ADGRV1: variants seen among roughly 807,000 people sequenced by gnomAD.
ADGRV1 encodes G-protein coupled receptor 98.
Under a neutral mutation model 596.2 loss-of-function variants are expected in ADGRV1, and 359 were observed. The observed-to-expected ratio is 0.60, with a 90% CI of 0.55 to 0.66. ADGRV1 has a LOEUF of 0.66. Ranked by LOEUF, ADGRV1 falls within the 30% of genes least tolerant of loss-of-function variation. The probability of loss-of-function intolerance (pLI) is 0.00; values close to 1 mark genes in which losing one functional copy is unlikely to be tolerated. For synonymous variants in ADGRV1, 2,681 were observed against 2,679.2 expected, an observed-to-expected ratio of 1.00 and a Z score of -0.02; for missense variants, 7,274 against 7,575.6, an observed-to-expected ratio of 0.96 and a Z score of 1.48.
At chr5:91,158,803 C>A (rs1470089816) in intron 89 of ADGRV1, among the ~76,000 whole-genome samples, 7 of 151,900 alleles carry the variant, frequency 4.6e-5, no homozygotes, top group Non-Finnish European at 1.0e-4. Context: ...TGTAGCAGTG[C>A]TGAGTATCTC....
intron 83 of ADGRV1, among the ~76,000 whole-genome samples, chr5:90,958,710 C>G (rs887387067): frequency 6.6e-6 from 1 of 152,120 alleles, no homozygotes; most frequent in Non-Finnish European, 1.5e-5. Context: ...AAATTTTCAC[C>G]TCTTGTAAGG....
At chr5:90,833,193 A>G (rs1764663566) in intron 77 of ADGRV1, among the ~76,000 whole-genome samples, 1 of 152,148 alleles carries the variant, frequency 6.6e-6, no homozygotes, top group South Asian at 2.1e-4. Context: ...GGTAGTATGA[A>G]CATGTTAACA....
In ADGRV1 at chr5:91,076,412, G is replaced by A. The variant is rs1373321800; in HGVS notation, c.18310+3808G>A. 3.3e-5 allele frequency among the ~76,000 whole-genome samples: 5 copies of A among 152,068 alleles called. No individual in the cohort carries two copies. The South Asian group carries it at 1.0e-3, about 32-fold the overall frequency. On this transcript the variant is annotated intron_variant, in intron 86 of 89. Coordinates refer to ENST00000405460, the MANE Select transcript of ADGRV1 (RefSeq NM_032119.4). ...TTAATAAATTATTAATTCCTTGAGG[G>A]CAGGAACCATTTAGTATTCATCTCT...
intron 59 of ADGRV1, among the ~76,000 whole-genome samples, chr5:90,765,227 T>C (rs1373268525): frequency 1.3e-5 from 2 of 152,140 alleles, no homozygotes; most frequent in African/African-American, 4.8e-5. Context: ...TAGAGAGCCA[T>C]CTGCTCGAGG....
intron 86 of ADGRV1, among the ~76,000 whole-genome samples, chr5:91,082,549 T>C (rs1789487034): frequency 6.6e-6 from 1 of 152,188 alleles, no homozygotes; most frequent in Non-Finnish European, 1.5e-5. Flanking sequence ...AAAAAATGGA[T>C]GACCGAAGTC....
At chr5:90,629,024 CTG>C (rs1765158528) in intron 8 of ADGRV1, 184 bp from the exon 9 acceptor site, 1 of 673,950 alleles carries the variant, frequency 1.5e-6, no homozygotes, top group African/African-American at 1.8e-5. Context: ...ATTCCACAAA[CTG>C]TGATTTAGGA....
At chr5:90,860,260 T>G (rs1468040870) in intron 82 of ADGRV1, among the ~76,000 whole-genome samples, 18 of 152,106 alleles carry the variant, frequency 1.2e-4, no homozygotes, top group Admixed American at 1.2e-3. Flanking sequence ...CACAGAACTT[T>G]TATACTGTAA....
Position 90,637,646 on chromosome 5 carries a change from C to T in ADGRV1, c.2017-79C>T, listed in dbSNP as rs1580542156. ...GTTCACACAGTAATATATGTACAAA[C>T]TAATATCAATACCAAAGCTTATATA... On this transcript the variant is annotated intron_variant, in intron 10 of 89. Coordinates refer to ENST00000405460, the MANE Select transcript of ADGRV1 (RefSeq NM_032119.4). 10 of 1,015,570 alleles carry T rather than the reference C, an allele frequency of 9.8e-6. No homozygotes were observed. In the East Asian group the frequency reaches 2.6e-4, roughly 26 times the overall value. The allele number at this position is 1,015,570 out of a possible 1,614,324, so 62.9% of individuals were successfully genotyped here. A position where few individuals can be genotyped will look rare whatever the true frequency, so the allele number is the denominator to read the frequency against.
At chr5:90,726,004 A>G (rs1411070233) in intron 48 of ADGRV1, among the ~76,000 whole-genome samples, 1 of 152,228 alleles carries the variant, frequency 6.6e-6, no homozygotes, top group African/African-American at 2.4e-5. Context: ...GTATCACCTC[A>G]GAAATCCCAC....
chr5:90,606,047 T>C (rs1193293282), intron 1 of ADGRV1, among the ~76,000 whole-genome samples: 1 of 152,258 alleles, frequency 6.6e-6, no homozygotes, highest in Non-Finnish European at 1.5e-5. Flanking sequence ...TTGATTTAAC[T>C]AAGTGTGTTT....
chr5:90,697,864 AT>A (rs1386796568), intron 34 of ADGRV1, among the ~76,000 whole-genome samples: 1 of 152,154 alleles, frequency 6.6e-6, no homozygotes, highest in Non-Finnish European at 1.5e-5. Flanking sequence ...AATTAAAAAA[AT>A]AATTTTACCT....
At chr5:90,732,399 T>C (rs1268880855) in intron 50 of ADGRV1, among the ~76,000 whole-genome samples, 1 of 152,208 alleles carries the variant, frequency 6.6e-6, no homozygotes, top group African/African-American at 2.4e-5. Context: ...ATACATATAA[T>C]GATATGTATT....
chr5:91,063,598 A>G (rs769915045), intron 85 of ADGRV1, among the ~76,000 whole-genome samples: 2 of 152,210 alleles, frequency 1.3e-5, no homozygotes, highest in African/African-American at 2.4e-5. Flanking sequence ...CCAAAATAGA[A>G]GATTCTGATG....
At chr5:90,719,426 A>G (rs1440855580) in intron 43 of ADGRV1, among the ~76,000 whole-genome samples, 1 of 152,180 alleles carries the variant, frequency 6.6e-6, no homozygotes, top group Non-Finnish European at 1.5e-5. Context: ...TCCAGAGGAA[A>G]CTACTTTCTG....
intron 84 of ADGRV1, among the ~76,000 whole-genome samples, chr5:90,976,322 G>GTGTATATATATATATATATA (rs1420288881): frequency 1.8e-5 from 2 of 108,618 alleles, no homozygotes; most frequent in African/African-American, 7.5e-5. Flanking sequence ...GTGTGTGTGT[G>GTGTATATATATATATATATA]TATATATATA....
chr5:90,857,664 A>G (rs1473007794), intron 82 of ADGRV1, among the ~76,000 whole-genome samples: 4 of 152,270 alleles, frequency 2.6e-5, no homozygotes, highest in African/African-American at 9.6e-5. Context: ...ATGTAATTGC[A>G]TGTTCTGTCG....
intron 87 of ADGRV1, among the ~76,000 whole-genome samples, chr5:91,126,834 G>A (rs560543442): frequency 6.6e-6 from 1 of 152,180 alleles, no homozygotes; most frequent in South Asian, 2.1e-4. Context: ...ATTTAGGAAG[G>A]GCAGAAGCAA....
chr5:90,716,649 G>C lies in ADGRV1; in HGVS notation c.9367G>C (p.Glu3123Gln). 6.2e-7 allele frequency: 1 copy of C among 1,613,352 alleles called. No homozygotes were observed. The highest frequency in any genetic ancestry group is 8.5e-7 in the Non-Finnish European group (1 of 1,179,316). ...GTVTVQFIVT[E>Q]VNSSNESKDL... is the part of the protein sequence containing the mutation. ...AGTGACAGTTCAGTTCATTGTGACA[G>C]AAGTGAATTCCTCAAATGAATCTAA... Residue 3123 changes from glutamate to glutamine, a missense_variant, in exon 43 of 90, where the codon GAA (glutamate) becomes CAA (glutamine). Glu to Gln is a conservative substitution (Grantham distance 29). This residue lies in a region of ADGRV1 where 3,643 missense variants were observed against 3,809.2 expected (regional missense o/e 0.96). Coordinates refer to ENST00000405460, the MANE Select transcript of ADGRV1 (RefSeq NM_032119.4).
chr5:90,809,400 C>A (rs1047605371), intron 73 of ADGRV1, among the ~76,000 whole-genome samples: 1 of 151,378 alleles, frequency 6.6e-6, no homozygotes, highest in Non-Finnish European at 1.5e-5. Context: ...TTATAGATGA[C>A]GAAAGTCATA....
Sources: allele counts gnomAD v4.1 joint callset (sites outside exome capture counted in the v4.1 genomes callset), GRCh38; gene constraint gnomAD v4.1.1; regional missense constraint gnomAD v4.1.1; transcripts MANE v1.5; gene names NCBI Gene and HGNC (gene_info 2026-07-23, HGNC 2026-07-21).